KIAA1217: variants seen among roughly 807,000 people sequenced by gnomAD.
KIAA1217 encodes the protein sickle tail protein homolog.
In KIAA1217, 88 loss-of-function variants were observed where a neutral mutation model predicts 163.9. The ratio of observed to expected loss-of-function variants is 0.54; its 90% CI spans 0.45 to 0.64. KIAA1217 has a LOEUF of 0.64. Ranked by LOEUF, KIAA1217 falls within the 30% of genes least tolerant of loss-of-function variation. The pLI is 0.00. For synonymous variants in KIAA1217, 903 were observed against 923.1 expected, an observed-to-expected ratio of 0.98 and a Z score of 0.39; for missense variants, 2,372 against 2,475.0, an observed-to-expected ratio of 0.96 and a Z score of 0.88.
chr10:24,261,829 C>T (rs989219278), intron 2 of KIAA1217, among the ~76,000 whole-genome samples: 1 of 152,168 alleles, frequency 6.6e-6, no homozygotes, highest in South Asian at 2.1e-4. Flanking sequence ...TTTGCCTGAG[C>T]TAAGCCATGG....
rs1012813158 is a variant in KIAA1217, at chr10:23,735,281, T to C, written c.-321+40047T>C. On this transcript the variant is annotated intron_variant, in intron 1 of 18. Transcript: ENST00000376462. ...TGGAGTCTAGCTCTCTCTCCGGGGC[T>C]GGAGTACAGTGGTGCGATCTCAGCT... Among the ~76,000 whole-genome samples, 3 of 152,056 alleles carry C rather than the reference T, an allele frequency of 2.0e-5. No individual in the cohort carries two copies. In the East Asian group the frequency reaches 5.8e-4, roughly 29 times the overall value.
At chr10:23,894,048 A>G (rs1841554180) in intron 1 of KIAA1217, among the ~76,000 whole-genome samples, 1 of 152,060 alleles carries the variant, frequency 6.6e-6, no homozygotes, top group South Asian at 2.1e-4. Flanking sequence ...GAATGGGCAA[A>G]AGCTGGAAGC....
intron 2 of KIAA1217, among the ~76,000 whole-genome samples, chr10:24,298,573 G>A (rs1245344358): frequency 4.6e-5 from 7 of 152,066 alleles, no homozygotes; most frequent in African/African-American, 1.7e-4. Flanking sequence ...CGAAGTGGGC[G>A]GATCACCTGA....
chr10:23,958,404 C>T (rs905391030), intron 1 of KIAA1217, among the ~76,000 whole-genome samples: 3 of 152,082 alleles, frequency 2.0e-5, no homozygotes, highest in Non-Finnish European at 4.4e-5. Flanking sequence ...AGGGAGTACA[C>T]AGGATTTTAG....
intron 1 of KIAA1217, among the ~76,000 whole-genome samples, chr10:23,806,220 A>G (rs1217514811): frequency 6.6e-6 from 1 of 152,100 alleles, no homozygotes; most frequent in East Asian, 1.9e-4. Context: ...TTGGTTGAGG[A>G]GAATGTTCCG....
chr10:24,318,457 A>C (rs1280981286), intron 2 of KIAA1217, among the ~76,000 whole-genome samples: 2 of 152,174 alleles, frequency 1.3e-5, no homozygotes, highest in Non-Finnish European at 2.9e-5. Flanking sequence ...CTGCAGCATC[A>C]ACTCTACCTT....
At chr10:24,536,617 C>T (rs753872227) in intron 16 of KIAA1217, among the ~76,000 whole-genome samples, 157 bp from the exon 17 acceptor site, 9 of 152,108 alleles carry the variant, frequency 5.9e-5, no homozygotes, top group Admixed American at 3.3e-4. Context: ...CATGAGAGCA[C>T]GTGAGGAGCA....
chr10:24,066,142 A>T (rs1005884093), intron 2 of KIAA1217, among the ~76,000 whole-genome samples: 5 of 152,142 alleles, frequency 3.3e-5, no homozygotes, highest in Admixed American at 3.3e-4. Context: ...GCCCATTTAC[A>T]TTTAAGGTTA....
At chr10:24,260,581 C>T (rs2075620244) in intron 2 of KIAA1217, among the ~76,000 whole-genome samples, 1 of 119,616 alleles carries the variant, frequency 8.4e-6, no homozygotes. Context: ...GAGACCTCAT[C>T]TCTACAAAAA....
chr10:24,103,246 C>T (rs562678518), intron 2 of KIAA1217, among the ~76,000 whole-genome samples: 3 of 152,296 alleles, frequency 2.0e-5, no homozygotes, highest in African/African-American at 7.2e-5. Flanking sequence ...GACACAGACT[C>T]ACATCCTTCA....
At chr10:24,391,646 A>T (rs140507088) in intron 3 of KIAA1217, among the ~76,000 whole-genome samples, 20 of 152,226 alleles carry the variant, frequency 1.3e-4, no homozygotes, top group African/African-American at 4.3e-4. Flanking sequence ...CACTTGGCCT[A>T]GGTTCTCCTG....
At chr10:24,132,999 G>A (rs1397951558) in intron 2 of KIAA1217, among the ~76,000 whole-genome samples, 1 of 151,984 alleles carries the variant, frequency 6.6e-6, no homozygotes, top group Non-Finnish European at 1.5e-5. Flanking sequence ...GAAAGTTGTT[G>A]CTGGTTGAAA....
At chr10:24,529,139 G>A (rs2072706113) in intron 14 of KIAA1217, among the ~76,000 whole-genome samples, 1 of 152,098 alleles carries the variant, frequency 6.6e-6, no homozygotes, top group African/African-American at 2.4e-5. Flanking sequence ...CTTGCATGTT[G>A]AGAAACATTA....
intron 2 of KIAA1217, among the ~76,000 whole-genome samples, chr10:24,048,585 C>T (rs896033117): frequency 1.3e-5 from 2 of 151,922 alleles, no homozygotes; most frequent in East Asian, 1.9e-4. Context: ...AAAAAATTAG[C>T]CAGGCGTGGT....
At chr10:24,170,684 A>G (rs761264034) in intron 2 of KIAA1217, among the ~76,000 whole-genome samples, 11 of 152,354 alleles carry the variant, frequency 7.2e-5, no homozygotes, top group Non-Finnish European at 1.5e-4. Flanking sequence ...CTGCTTATAG[A>G]GCAAAAGATT....
intron 1 of KIAA1217, among the ~76,000 whole-genome samples, chr10:23,836,209 G>A (rs1161898341): frequency 6.6e-6 from 1 of 152,062 alleles, no homozygotes; most frequent in Non-Finnish European, 1.5e-5. Context: ...TTTCTAATAT[G>A]TCAAAACAGA....
At chr10:24,468,447 CA>C (rs1272107189) in intron 5 of KIAA1217, among the ~76,000 whole-genome samples, 4 of 152,146 alleles carry the variant, frequency 2.6e-5, no homozygotes, top group African/African-American at 7.2e-5. Context: ...CTTGGCAAAC[CA>C]ACATAAGAAT....
intron 5 of KIAA1217, among the ~76,000 whole-genome samples, chr10:24,450,909 C>T (rs552536289): frequency 1.3e-5 from 2 of 152,266 alleles, no homozygotes; most frequent in South Asian, 4.1e-4. Context: ...ATATAGATGA[C>T]TTATCTTGAA....
chr10:24,517,502 A>T (rs1351783893), intron 10 of KIAA1217, among the ~76,000 whole-genome samples: 1 of 152,176 alleles, frequency 6.6e-6, no homozygotes, highest in Non-Finnish European at 1.5e-5. Context: ...CTTATTTTTT[A>T]AAAGCCAGAA....
Sources: allele counts gnomAD v4.1 joint callset (sites outside exome capture counted in the v4.1 genomes callset), GRCh38; gene constraint gnomAD v4.1.1; transcripts MANE v1.5; gene names NCBI Gene and HGNC (gene_info 2026-07-23, HGNC 2026-07-21).